The following AGO1 variants were observed in gnomAD, a reference collection of about 807,000 sequenced individuals.
AGO1 encodes argonaute RISC component 1, also known as protein argonaute-1.
In AGO1, 11 loss-of-function variants were observed where a neutral mutation model predicts 109.2. The ratio of observed to expected loss-of-function variants is 0.10; its 90% CI spans 0.06 to 0.17. The LOEUF is 0.17. Ranked by LOEUF, AGO1 falls within the 10% of genes least tolerant of loss-of-function variation. The pLI, the probability that AGO1 is intolerant of heterozygous loss-of-function variation, is 1.00. For missense variants in AGO1, 574 were observed against 1,140.3 expected, an observed-to-expected ratio of 0.50 and a Z score of 7.15; for synonymous variants, 422 against 418.6, an observed-to-expected ratio of 1.01 and a Z score of -0.10.
chr1:35,877,961 G>C (rs910243947), intron 1 of AGO1, among the ~76,000 whole-genome samples: 4 of 151,938 alleles, frequency 2.6e-5, no homozygotes, highest in Admixed American at 2.0e-4. Flanking sequence ...AAAGTGCTGG[G>C]ATTACAGGGG....
At chr1:35,876,256 TTTTG>T (rs1644991339) in intron 1 of AGO1, among the ~76,000 whole-genome samples, 1 of 151,974 alleles carries the variant, frequency 6.6e-6, no homozygotes, top group African/African-American at 2.4e-5. Context: ...AATCCTTTTT[TTTTG>T]TTTGTTTTTT....
Position 35,902,014 on chromosome 1 carries a change from A to C in AGO1, c.1207A>C (p.Met403Leu). 6.2e-7 allele frequency: 1 copy of C among 1,612,184 alleles called. No individual in the cohort carries two copies. Among genetic ancestry groups the C allele is most frequent in the Non-Finnish European group, 8.5e-7 (1 of 1,179,112 alleles). ...ATTTGGGATCAAAGTGAAGGATGAC[A>C]TGACGGAGGTGACAGGGCGAGTGCT... ...QEFGIKVKDD[M>L]TEVTGRVLPA... Residue 403 changes from methionine (M) to leucine (L), a missense_variant, in exon 10 of 19, where the codon ATG becomes CTG. Around this residue, in one of 8 missense-constraint regions of AGO1, gnomAD observed 106 missense variants for 147.8 expected, o/e 0.72. Transcript: ENST00000373204.
intron 1 of AGO1, among the ~76,000 whole-genome samples, chr1:35,870,931 A>G (rs974618158): frequency 6.6e-6 from 1 of 152,154 alleles, no homozygotes; most frequent in African/African-American, 2.4e-5. Flanking sequence ...GTCACTCAGT[A>G]TCATGTTTCT....
intron 12 of AGO1, among the ~76,000 whole-genome samples, chr1:35,911,998 G>A (rs1207010992): frequency 2.6e-5 from 4 of 152,102 alleles, no homozygotes; most frequent in African/African-American, 9.7e-5. Context: ...AATACTGGGA[G>A]TTCCTCAAGA....
At chr1:35,883,180 C>T (rs1645056115), upstream of AGO1, 2 of 1,157,096 alleles carry the variant, frequency 1.7e-6, no homozygotes, top group Non-Finnish European at 2.1e-6. This position sits in a 1 kb window ranked among gnomAD's most constrained non-coding sequence, Gnocchi z 5.4. Context: ...TTCCGGTCCG[C>T]CCCCTGGGCC....
chr1:35,894,991 C>A, intron 7 of AGO1, 131 bp from the exon 8 acceptor site: 1 of 1,127,878 alleles, frequency 8.9e-7, no homozygotes, highest in South Asian at 1.7e-5. Flanking sequence ...AAGTCTGGGA[C>A]TTCCTTCCTG....
Position 35,894,025 on chromosome 1 carries a change from C to G in AGO1, c.650-12C>G. On this transcript the variant is annotated splice_polypyrimidine_tract_variant and intron_variant, in intron 5 of 18. Transcript: ENST00000373204. ...GAACCTGAGCTGAGCTATCTTTACC[C>G]TGTCCCCACAGTCTCAGCCACTGCC... 8 of 1,537,576 alleles carry G rather than the reference C, an allele frequency of 5.2e-6. No individual in the cohort carries two copies. The highest frequency in any genetic ancestry group is 7.0e-6 in the Non-Finnish European group (8 of 1,144,102).
intron 12 of AGO1, 24 bp from the exon 13 acceptor site, chr1:35,913,818 A>G: frequency 1.2e-6 from 2 of 1,611,188 alleles, no homozygotes; most frequent in Non-Finnish European, 1.7e-6. Context: ...TGAATGCACT[A>G]ATCATTTCTC....
chr1:35,895,042 G>A, intron 7 of AGO1, 80 bp from the exon 8 acceptor site: 1 of 1,470,264 alleles, frequency 6.8e-7, no homozygotes, highest in Non-Finnish European at 9.0e-7. Flanking sequence ...AAAAATCTGA[G>A]GCTTCCATGG....
rs1645952994 is a variant in AGO1 at position 35,927,484 on chromosome 1, C to G, written c.*7877C>G. On this transcript the variant is annotated 3_prime_UTR_variant, in exon 19 of 19. Coordinates refer to ENST00000373204, the MANE Select transcript of AGO1 (RefSeq NM_012199.5). ...TTCTGGGAAGGAAATGCTGACAGAA[C>G]CGTGTCTGGCAAAAGAGAGACAGAT... The G allele has an allele frequency of 6.6e-6, 1 of 152,130 alleles. No homozygotes were observed. 9.4% of individuals were successfully genotyped at this position (152,130 alleles called of 1,614,324 possible).
Position 35,924,687 on chromosome 1 carries a change from A to C in AGO1, c.*5080A>C, listed in dbSNP as rs1571387090. The C allele has an allele frequency of 1.3e-5, 2 of 152,180 alleles. No homozygotes were observed. Among genetic ancestry groups the C allele is most frequent in the Admixed American group, 1.3e-4 (2 of 15,268 alleles). The allele number at this position is 152,180 out of a possible 1,614,324, so 9.4% of individuals were successfully genotyped here. ...ATAGGACTCGATGGCTGGTGGGAGG[A>C]GAAGACAGGAGTAGAGGTTAGCTCC... is the stretch of plus-strand genomic sequence containing the variant. On this transcript the variant is annotated 3_prime_UTR_variant, in exon 19 of 19. Transcript: ENST00000373204.
At chr1:35,885,358 T>G (rs1043010106) in intron 1 of AGO1, among the ~76,000 whole-genome samples, 1 of 152,174 alleles carries the variant, frequency 6.6e-6, no homozygotes, top group African/African-American at 2.4e-5. Flanking sequence ...ATTGACTTTT[T>G]AAAAATTTGT....
intron 12 of AGO1, among the ~76,000 whole-genome samples, chr1:35,912,471 G>A (rs1645654116): frequency 6.6e-6 from 1 of 151,844 alleles, no homozygotes; most frequent in South Asian, 2.1e-4. Context: ...GAACCATGAG[G>A]CCCATTTGCT....
intron 11 of AGO1, among the ~76,000 whole-genome samples, chr1:35,903,962 A>G (rs1441112199): frequency 7.0e-6 from 1 of 142,370 alleles, no homozygotes; most frequent in Non-Finnish European, 1.5e-5. Flanking sequence ...ACTCCATCTC[A>G]AAAAAAAAAA....
In AGO1 at chr1:35,917,733, T is replaced by C. The variant is rs374183657; in HGVS notation, c.2163+6T>C. On this transcript the variant is annotated splice_donor_region_variant and intron_variant, in intron 16 of 18. Transcript: ENST00000373204. Reference sequence around the variant, plus strand: ...GTGCTGACAAGAATGAGCGAGTGAGTGAGGGACTGAGGCCTCCCATCCCCT... The same window carrying C: ...GTGCTGACAAGAATGAGCGAGTGAGCGAGGGACTGAGGCCTCCCATCCCCT... 5 of 1,610,442 alleles carry C rather than the reference T, an allele frequency of 3.1e-6. No individual in the cohort carries two copies. The highest frequency in any genetic ancestry group is 4.2e-6 in the Non-Finnish European group (5 of 1,177,278).
chr1:35,914,405 C>A, intron 14 of AGO1, 131 bp downstream of exon 14: 1 of 683,330 alleles, frequency 1.5e-6, no homozygotes. Flanking sequence ...TCGCTATTCC[C>A]AATTCCCATT....
Position 35,919,192 on chromosome 1 carries a change from C to T in AGO1, c.2403C>T (p.Ala801=). 6.2e-7 allele frequency: 1 copy of T among 1,614,192 alleles called. No homozygotes were observed. Among genetic ancestry groups the T allele is most frequent in the Non-Finnish European group, 8.5e-7 (1 of 1,180,030 alleles). ...CTRSVSIPAP[A]YYARLVAFRA... Reference sequence around the variant, plus strand: ...GCTCTGTCTCTATCCCAGCACCTGCCTACTATGCCCGCCTGGTGGCTTTCC... The same window carrying T: ...GCTCTGTCTCTATCCCAGCACCTGCTTACTATGCCCGCCTGGTGGCTTTCC... The change falls in exon 18 of 19, where the codon GCC becomes GCT. Residue 801 remains alanine (A), a synonymous_variant. Coordinates refer to ENST00000373204, the MANE Select transcript of AGO1 (RefSeq NM_012199.5). This position sits in a 1 kb window ranked among gnomAD's most constrained non-coding sequence, Gnocchi z 6.6.
intron 1 of AGO1, among the ~76,000 whole-genome samples, chr1:35,887,751 C>G (rs1390393099): frequency 6.6e-6 from 1 of 152,058 alleles, no homozygotes; most frequent in Admixed American, 6.6e-5. Flanking sequence ...CCCCTTGACT[C>G]CAGCCTTCTC....
upstream of AGO1, among the ~76,000 whole-genome samples, chr1:35,880,650 T>C (rs183745621): frequency 6.6e-6 from 1 of 152,224 alleles, no homozygotes; most frequent in East Asian, 1.9e-4. Flanking sequence ...TCTAAAGTGT[T>C]TTTGTTTCGT....
Sources: allele counts gnomAD v4.1 joint callset (sites outside exome capture counted in the v4.1 genomes callset), GRCh38; gene constraint gnomAD v4.1.1; regional missense constraint gnomAD v4.1.1; non-coding constraint Gnocchi (gnomAD v3.1); transcripts MANE v1.5; gene names NCBI Gene and HGNC (gene_info 2026-07-23, HGNC 2026-07-21).